NANOS3: variants seen among roughly 807,000 people sequenced by gnomAD.
The protein encoded by NANOS3 is nanos homolog 3.
A neutral mutation model predicts 13.8 loss-of-function variants in NANOS3; 11 were observed. The observed-to-expected ratio is 0.80, with a 90% CI of 0.50 to 1.32. The LOEUF (loss-of-function observed/expected upper bound fraction) is 1.32. Among genes scored for constraint, NANOS3 ranks in the 40% most tolerant of loss-of-function variants. NANOS3 has a pLI of 0.00. For missense variants in NANOS3, 221 were observed against 263.8 expected (o/e 0.84, Z 1.12); for synonymous variants, 119 against 115.4 (o/e 1.03, Z -0.20).
At chr19:13,866,377 C>T (rs968473980) in intron 1 of NANOS3, among the ~76,000 whole-genome samples, 1 of 151,992 alleles carries the variant, frequency 6.6e-6, no homozygotes, top group Non-Finnish European at 1.5e-5. Context: ...ACCCATTCCA[C>T]ACCCCTGGAC....
intron 1 of NANOS3, 92 bp from the exon 2 acceptor site, chr19:13,880,350 C>A: frequency 8.2e-7 from 1 of 1,219,122 alleles, no homozygotes; most frequent in Non-Finnish European, 1.2e-6. Flanking sequence ...CGCCAGAGGT[C>A]CAGCAGGCCC....
chr19:13,872,756 A>G (rs1001098416), upstream of NANOS3, among the ~76,000 whole-genome samples: 18 of 152,134 alleles, frequency 1.2e-4, no homozygotes, highest in African/African-American at 4.3e-4. Context: ...CCCCCACTCC[A>G]CAGCCTGAAT....
rs750541441 is a variant in NANOS3, at chr19:13,877,593, C to T, written c.345C>T (p.Cys115=). 8.1e-6 allele frequency: 13 copies of T among 1,611,918 alleles called. No individual in the cohort carries two copies. The highest frequency in any genetic ancestry group is 2.7e-5 in the African/African-American group (2 of 74,938). Residue 115 remains cysteine (C), a synonymous_variant, in exon 1 of 2, where the codon TGC becomes TGT. Transcript: ENST00000339133. The part of the protein sequence containing the change: ...PILRDYVCPQ[C]GATRERAHTR... Reference sequence around the variant, plus strand: ...TGCGGGACTACGTGTGTCCCCAGTGCGGCGCCACACGTGAGCGCGCCCACA... The same window carrying T: ...TGCGGGACTACGTGTGTCCCCAGTGTGGCGCCACACGTGAGCGCGCCCACA...
At chr19:13,867,862 C>T (rs866476828) in intron 1 of NANOS3, among the ~76,000 whole-genome samples, 6 of 152,198 alleles carry the variant, frequency 3.9e-5, no homozygotes, top group Middle Eastern at 6.8e-3. Context: ...GCCATATGCC[C>T]ATCGTCACCT....
chr19:13,880,428 TC>T lies in NANOS3; in HGVS notation c.518-9del, dbSNP rs1968611882. 23 of 1,608,988 alleles carry T rather than the reference TC, an allele frequency of 1.4e-5. No homozygotes were observed. Among genetic ancestry groups the T allele is most frequent in the Non-Finnish European group, 1.9e-5 (22 of 1,175,924 alleles). On this transcript the variant is annotated splice_polypyrimidine_tract_variant and intron_variant, in intron 1 of 1. Coordinates refer to ENST00000339133, the MANE Select transcript of NANOS3 (RefSeq NM_001098622.3). Reference sequence around the variant, plus strand: ...GCCTGTGATTAAGCATTTCTCTCCCTCCCCCTCCACTAGGTTTCAGAGGTGC... The same window carrying T: ...GCCTGTGATTAAGCATTTCTCTCCCTCCCCTCCACTAGGTTTCAGAGGTGC...
At chr19:13,879,525 CAA>C (rs1485378835) in intron 1 of NANOS3, among the ~76,000 whole-genome samples, 1 of 152,132 alleles carries the variant, frequency 6.6e-6, no homozygotes, top group Non-Finnish European at 1.5e-5. Context: ...CGCTTGAGCC[CAA>C]GAGTTTGAGA....
chr19:13,877,788 G>A (rs1968549317), intron 1 of NANOS3, 23 bp downstream of exon 1: 3 of 1,535,160 alleles, frequency 2.0e-6, no homozygotes, highest in Non-Finnish European at 2.6e-6. Context: ...GTGGCTGGGG[G>A]GGACCTGTCC....
At chr19:13,869,791 C>T (rs1031021070) in intron 1 of NANOS3, among the ~76,000 whole-genome samples, 2 of 151,642 alleles carry the variant, frequency 1.3e-5, no homozygotes, top group African/African-American at 2.4e-5. Context: ...CACACACACA[C>T]GCACACACAT....
rs747181472 is a variant in NANOS3 at position 13,877,374 on chromosome 19, G to A, written c.126G>A (p.Pro42=). ...CAGAGCCAGAGCCAATGCTGGAGCC[G>A]GTGTCAGCCCTGGAGCCGATGCCAG... ...PQPEPEPMLE[P]VSALEPMPAP... Residue 42 remains proline (P), a synonymous_variant, in exon 1 of 2, where the codon CCG becomes CCA. Coordinates refer to ENST00000339133, the MANE Select transcript of NANOS3 (RefSeq NM_001098622.3). 5.1e-5 allele frequency: 82 copies of A among 1,612,332 alleles called. No homozygotes were observed. The highest frequency in any genetic ancestry group is 8.0e-5 in the African/African-American group (6 of 74,860).
chr19:13,870,665 T>C (rs1349812631), intron 1 of NANOS3, among the ~76,000 whole-genome samples: 1 of 148,526 alleles, frequency 6.7e-6, no homozygotes, highest in East Asian at 2.0e-4. Flanking sequence ...CCTCCCAGGT[T>C]CAAGCAATTC....
At chr19:13,862,683 C>T (rs1244008993), upstream of NANOS3, among the ~76,000 whole-genome samples, 1 of 152,112 alleles carries the variant, frequency 6.6e-6, no homozygotes, top group African/African-American at 2.4e-5. Context: ...GGATTATAGG[C>T]GCGTGCCACC....
chr19:13,867,564 G>A (rs1289326125), intron 1 of NANOS3, among the ~76,000 whole-genome samples: 1 of 151,330 alleles, frequency 6.6e-6, no homozygotes, highest in Non-Finnish European at 1.5e-5. Flanking sequence ...ATTTTTGTTT[G>A]TTTGTTTTGT....
intron 1 of NANOS3, 114 bp downstream of exon 1, chr19:13,877,879 G>C: frequency 1.4e-6 from 2 of 1,434,492 alleles, no homozygotes; most frequent in African/African-American, 1.4e-5. Flanking sequence ...ACCTTAGAGA[G>C]AGCTTAGAAC....
intron 1 of NANOS3, among the ~76,000 whole-genome samples, chr19:13,878,469 C>T (rs1020061516): frequency 1.3e-5 from 2 of 151,924 alleles, no homozygotes; most frequent in Non-Finnish European, 2.9e-5. Context: ...GAACTCCCAA[C>T]CTCGTGATCC....
chr19:13,867,793 C>T (rs1257675962), intron 1 of NANOS3, among the ~76,000 whole-genome samples: 1 of 152,216 alleles, frequency 6.6e-6, no homozygotes, highest in Admixed American at 6.5e-5. Context: ...AAAATGGATC[C>T]TCTTAGCCAC....
upstream of NANOS3, among the ~76,000 whole-genome samples, chr19:13,862,432 G>C (rs999781988): frequency 2.0e-5 from 3 of 152,224 alleles, no homozygotes; most frequent in Admixed American, 6.5e-5. Context: ...GCTGCCCCCT[G>C]CTGGTGGCTG....
chr19:13,876,517 T>A (rs1224889698), upstream of NANOS3, among the ~76,000 whole-genome samples: 3 of 152,142 alleles, frequency 2.0e-5, no homozygotes. Context: ...CTCAGTTTGC[T>A]CATCCATTCA....
rs913156997 is a variant in NANOS3 at position 13,877,783 on chromosome 19, T to TG, written c.517+25dup. ...AGGAGCAGGTGCCTGCACAGGTGGC[T>TG]GGGGGGGACCTGTCCGAGGGTAGTG... is the stretch of plus-strand genomic sequence containing the variant. On this transcript the variant is annotated intron_variant, in intron 1 of 1. Transcript: ENST00000339133. 5.2e-6 allele frequency: 8 copies of TG among 1,538,602 alleles called. No homozygotes were observed. The highest frequency in any genetic ancestry group is 4.9e-5 in the East Asian group (2 of 41,102).
upstream of NANOS3, among the ~76,000 whole-genome samples, chr19:13,872,964 T>C (rs573644641): frequency 8.9e-5 from 13 of 145,744 alleles, 1 homozygote; most frequent in South Asian, 1.9e-3. Flanking sequence ...TGAGGGGCCC[T>C]ACGAAATTCG....
Sources: allele counts gnomAD v4.1 joint callset (sites outside exome capture counted in the v4.1 genomes callset), GRCh38; gene constraint gnomAD v4.1.1; transcripts MANE v1.5; gene names NCBI Gene and HGNC (gene_info 2026-07-23, HGNC 2026-07-21).